Variants in NAALADL2 observed in about 807,000 individuals in gnomAD.
NAALADL2 encodes N-acetylated alpha-linked acidic dipeptidase like 2.
Under a neutral mutation model 87.2 loss-of-function variants are expected in NAALADL2, and 76 were observed. That is an observed-to-expected ratio of 0.87 (90% CI 0.72 to 1.05). The LOEUF (loss-of-function observed/expected upper bound fraction) is 1.05. Ranked by LOEUF, NAALADL2 falls within the 50% of genes least tolerant of loss-of-function variation. The pLI is 0.00. For synonymous variants in NAALADL2, 354 were observed against 331.0 expected, an observed-to-expected ratio of 1.07 and a Z score of -0.75; for missense variants, 1,089 against 945.8, an observed-to-expected ratio of 1.15 and a Z score of -1.99.
At chr3:175,584,875 G>C (rs537434654) in intron 10 of NAALADL2, among the ~76,000 whole-genome samples, 2 of 152,184 alleles carry the variant, frequency 1.3e-5, no homozygotes, top group South Asian at 4.1e-4. Flanking sequence ...TAAGTGGTGA[G>C]TGAATGTGAA....
chr3:175,461,546 T>A (rs1221762643), intron 6 of NAALADL2, among the ~76,000 whole-genome samples: 1 of 152,198 alleles, frequency 6.6e-6, no homozygotes, highest in African/African-American at 2.4e-5. Context: ...CCAGTAAGAA[T>A]GTGATCCAGT....
chr3:175,107,820 T>C (rs1457983149), intron 2 of NAALADL2, among the ~76,000 whole-genome samples: 2 of 151,884 alleles, frequency 1.3e-5, no homozygotes, highest in Non-Finnish European at 2.9e-5. Flanking sequence ...ATTCTATGTA[T>C]CTAACAAATA....
chr3:175,682,872 G>T (rs1201375045), intron 11 of NAALADL2, among the ~76,000 whole-genome samples: 1 of 151,938 alleles, frequency 6.6e-6, no homozygotes. Flanking sequence ...AAAAGTTACA[G>T]TTTGTTTAGC....
chr3:175,048,064 T>C (rs549423376), intron 1 of NAALADL2, among the ~76,000 whole-genome samples: 21 of 152,276 alleles, frequency 1.4e-4, no homozygotes, highest in Non-Finnish European at 2.1e-4. Context: ...ATGTCTTTGG[T>C]AGTGGGATTT....
intron 1 of NAALADL2, among the ~76,000 whole-genome samples, chr3:175,064,247 GAAAAAAAA>G (rs368197778): frequency 1.7e-5 from 2 of 116,194 alleles, no homozygotes; most frequent in African/African-American, 6.1e-5. Context: ...GGGAAAAGAA[GAAAAAAAA>G]AAAAAGAAAA....
chr3:175,741,020 C>T (rs949095475), intron 12 of NAALADL2, among the ~76,000 whole-genome samples: 1 of 152,028 alleles, frequency 6.6e-6, no homozygotes, highest in Non-Finnish European at 1.5e-5. Context: ...TTTGCTCACA[C>T]AAGAGAGTAA....
rs1402722001 is a variant in NAALADL2, at chr3:175,730,417, TATATATATATATATATATATATATATAC to T, written c.1897-6887_1897-6860del. Among the ~76,000 whole-genome samples, 64 of 96,622 alleles carry T rather than the reference TATATATATATATATATATATATATATAC, an allele frequency of 6.6e-4. 1 individual carries two copies. In the Middle Eastern group the frequency reaches 0.024, roughly 36 times the overall value. 63.4% of individuals were successfully genotyped at this position (96,622 alleles called of 152,430 possible). ...ACAGATATATATATATATATATATA[TATATATATATATATATATATATATATAC>T]ACACATACACACGCACACACACACG... On this transcript the variant is annotated intron_variant, in intron 11 of 13. Coordinates refer to ENST00000454872, the MANE Select transcript of NAALADL2 (RefSeq NM_207015.3).
At chr3:175,103,838 C>G (rs1722646226) in intron 2 of NAALADL2, among the ~76,000 whole-genome samples, 1 of 152,116 alleles carries the variant, frequency 6.6e-6, no homozygotes, top group African/African-American at 2.4e-5. Flanking sequence ...TTCATTTTAA[C>G]ATTTAGTATG....
rs201515001 is a variant in NAALADL2, at chr3:174,723,680, TGGGAG to T, written c.-114-13959_-114-13955del. The stretch of plus-strand genomic sequence containing the variant: ...CTGAGGCAGGAGAATGGCGTGAAAC[TGGGAG>T]GCGGAGCTCGCAGTGAGCAGAGACT... On this transcript the variant is annotated intron_variant, in intron 2 of 3. Transcript: ENST00000434257. Among the ~76,000 whole-genome samples, 16 of 128,944 alleles carry T rather than the reference TGGGAG, an allele frequency of 1.2e-4. No homozygotes were observed. The East Asian group carries it at 3.5e-3, about 28-fold the overall frequency. 84.6% of individuals were successfully genotyped at this position (128,944 alleles called of 152,430 possible).
intron 9 of NAALADL2, among the ~76,000 whole-genome samples, chr3:175,572,619 AG>A (rs1348480570): frequency 6.6e-6 from 1 of 152,222 alleles, no homozygotes; most frequent in Non-Finnish European, 1.5e-5. Context: ...TGTACTTAAA[AG>A]AAACCATGGA....
intron 10 of NAALADL2, among the ~76,000 whole-genome samples, chr3:175,614,614 A>T (rs1469935131): frequency 2.6e-5 from 4 of 152,268 alleles, no homozygotes; most frequent in Non-Finnish European, 4.4e-5. Context: ...TAGAAAAGTG[A>T]TTCAGGTTAG....
intron 2 of NAALADL2, among the ~76,000 whole-genome samples, chr3:174,568,807 C>T (rs1434862317): frequency 6.6e-5 from 10 of 150,794 alleles, no homozygotes; most frequent in African/African-American, 4.9e-5. Flanking sequence ...ATTTATTCCA[C>T]GTTCATTATT....
intron 2 of NAALADL2, among the ~76,000 whole-genome samples, chr3:174,712,785 G>T (rs1205449473): frequency 1.3e-5 from 2 of 151,846 alleles, no homozygotes; most frequent in Non-Finnish European, 1.5e-5. Context: ...ATATTTTGGT[G>T]TATTTCTTTC....
chr3:174,500,588 TG>T (rs544281284), intron 1 of NAALADL2, among the ~76,000 whole-genome samples: 1 of 152,210 alleles, frequency 6.6e-6, no homozygotes, highest in Admixed American at 6.5e-5. Context: ...AAATGGACAT[TG>T]TTTTTTTAAA....
rs4508793 is a variant in NAALADL2, at chr3:175,575,446, G to A, written c.1654-595G>A. On this transcript the variant is annotated intron_variant, in intron 9 of 13. Coordinates refer to ENST00000454872, the MANE Select transcript of NAALADL2 (RefSeq NM_207015.3). Reference sequence around the variant, plus strand: ...ATTACAGGCTCCTGCCACCACACCCGGCTAATTTTTCTATTTTTAGTAGGG... The same window carrying A: ...ATTACAGGCTCCTGCCACCACACCCAGCTAATTTTTCTATTTTTAGTAGGG... 2.6e-5 allele frequency among the ~76,000 whole-genome samples: 4 copies of A among 151,642 alleles called. No individual in the cohort carries two copies. The South Asian group carries it at 6.2e-4, about 24-fold the overall frequency.
intron 10 of NAALADL2, among the ~76,000 whole-genome samples, chr3:175,585,732 TA>T (rs962772448): frequency 5.3e-4 from 80 of 151,236 alleles, no homozygotes; most frequent in Non-Finnish European, 9.6e-4. Context: ...TTTCCTAAAT[TA>T]AAAAAAAATA....
At chr3:174,786,999 T>A (rs1303783424) in intron 3 of NAALADL2, among the ~76,000 whole-genome samples, 3 of 151,832 alleles carry the variant, frequency 2.0e-5, no homozygotes, top group Non-Finnish European at 4.4e-5. Flanking sequence ...TCAGTTAATA[T>A]TACTGGTTAA....
In NAALADL2 at chr3:175,505,069, T is replaced by A. The variant is rs569852319; in HGVS notation, c.1653+33311T>A. On this transcript the variant is annotated intron_variant, in intron 9 of 13. Transcript: ENST00000454872. ...GGCTTCCAATTCCTGTCTCTCAAAC[T>A]CTGGAGAAAGCCAGTCACCATGTAA... Among the ~76,000 whole-genome samples, 5 of 152,280 alleles carry A rather than the reference T, an allele frequency of 3.3e-5. No individual in the cohort carries two copies. In the East Asian group the frequency reaches 9.7e-4, roughly 29 times the overall value.
At chr3:175,266,029 G>A (rs564239180) in intron 4 of NAALADL2, among the ~76,000 whole-genome samples, 36 of 149,866 alleles carry the variant, frequency 2.4e-4, no homozygotes, top group African/African-American at 8.5e-4. Context: ...TTTTAATATC[G>A]AGCAGTTAAA....
Sources: gnomAD v4.1 joint callset for allele counts (sites outside exome capture counted in the v4.1 genomes callset) on GRCh38, gnomAD v4.1.1 for gene constraint, MANE v1.5 for transcripts, NCBI Gene and HGNC (gene_info 2026-07-23, HGNC 2026-07-21) for gene names.